The following DIAPH2 variants were observed in gnomAD, a reference collection of about 807,000 sequenced individuals.
DIAPH2 encodes protein diaphanous homolog 2.
A neutral mutation model predicts 92.7 loss-of-function variants in DIAPH2; 35 were observed. The observed-to-expected ratio is 0.38, with a 90% CI of 0.29 to 0.50. The LOEUF is 0.50. Ranked by LOEUF, DIAPH2 falls within the 20% of genes least tolerant of loss-of-function variation. The pLI, the probability that DIAPH2 is intolerant of heterozygous loss-of-function variation, is 0.94. For missense variants in DIAPH2, 701 were observed against 819.5 expected (o/e 0.86, Z 1.77); for synonymous variants, 301 against 280.4 (o/e 1.07, Z -0.73).
intron 3 of DIAPH2, among the ~76,000 whole-genome samples, chrX:96,756,525 G>A (rs1331024693): frequency 5.4e-5 from 6 of 111,578 alleles, no homozygotes; most frequent in Admixed American, 4.8e-4. Context: ...TTATCCATTC[G>A]TCAATTGATG....
intron 22 of DIAPH2, 94 bp from the exon 23 acceptor site, chrX:97,247,621 T>TA (rs773990783): frequency 4.1e-4 from 332 of 810,651 alleles, no homozygotes; most frequent in Middle Eastern, 6.2e-4. Context: ...TTCCCACATT[T>TA]AAAAAAAAAG....
intron 4 of DIAPH2, among the ~76,000 whole-genome samples, chrX:96,877,329 A>T (rs1165446679): frequency 8.9e-6 from 1 of 112,244 alleles, no homozygotes; most frequent in East Asian, 2.8e-4. Context: ...TTCAGAGAAC[A>T]TGATGATAGA....
intron 22 of DIAPH2, among the ~76,000 whole-genome samples, chrX:97,228,120 C>T (rs937501756): frequency 2.7e-5 from 3 of 111,237 alleles, no homozygotes; most frequent in African/African-American, 9.8e-5. Context: ...AGGCTGGTCT[C>T]GAGTTTGTGG....
At chrX:97,527,134 A>G (rs1194331264) in intron 26 of DIAPH2, among the ~76,000 whole-genome samples, 2 of 112,501 alleles carry the variant, frequency 1.8e-5, no homozygotes, top group African/African-American at 6.5e-5. Context: ...TTTTGAAAAC[A>G]AAACATCTGT....
chrX:97,002,958 C>T (rs1003847646), intron 17 of DIAPH2, among the ~76,000 whole-genome samples: 1 of 111,573 alleles, frequency 9.0e-6, no homozygotes, highest in East Asian at 2.8e-4. Flanking sequence ...CCTTTCCTAG[C>T]CTCTGCTAAC....
In DIAPH2 at chrX:97,404,170, A is replaced by C. The variant is rs935692508; in HGVS notation, c.3145+20126A>C. ...GCCTGGCCTCAGATAATCCCTATAT[A>C]GTGAGGGATGTTCAGGGAAATACCA... On this transcript the variant is annotated intron_variant, in intron 25 of 26. Transcript: ENST00000324765. Among the ~76,000 whole-genome samples the C allele has an allele frequency of 1.6e-4, 18 of 111,817 alleles. No homozygotes were observed. The Admixed American group carries it at 1.7e-3, about 11-fold the overall frequency.
chrX:97,454,181 A>G (rs762299099), intron 26 of DIAPH2, among the ~76,000 whole-genome samples: 1 of 111,082 alleles, frequency 9.0e-6, no homozygotes, highest in Non-Finnish European at 1.9e-5. Flanking sequence ...TGGATTTTCT[A>G]TTTTTTTCAC....
chrX:97,220,750 C>G (rs1408990690), intron 22 of DIAPH2, among the ~76,000 whole-genome samples: 1 of 112,069 alleles, frequency 8.9e-6, no homozygotes, highest in East Asian at 2.8e-4. Flanking sequence ...AACTCATTGG[C>G]TGTGTAGAGC....
chrX:96,716,459 T>C (rs2063950861), intron 1 of DIAPH2, among the ~76,000 whole-genome samples: 1 of 111,924 alleles, frequency 8.9e-6, no homozygotes, highest in African/African-American at 3.2e-5. Flanking sequence ...TAGTCTCTTA[T>C]GTATTGTTTA....
chrX:97,123,691 T>G (rs599726), intron 21 of DIAPH2, among the ~76,000 whole-genome samples: 1,998 of 112,340 alleles, frequency 0.018, 34 homozygotes, highest in African/African-American at 0.06. Flanking sequence ...TCATTGCCAT[T>G]TAAAATCTGA....
intron 26 of DIAPH2, among the ~76,000 whole-genome samples, chrX:97,490,599 T>C (rs1017275349): frequency 9.0e-6 from 1 of 110,938 alleles, no homozygotes; most frequent in Non-Finnish European, 1.9e-5. Flanking sequence ...TTTTGTTATG[T>C]TGTATTTTCA....
At chrX:97,085,284 T>C (rs1382364059) in intron 19 of DIAPH2, among the ~76,000 whole-genome samples, 1 of 112,078 alleles carries the variant, frequency 8.9e-6, no homozygotes, top group Non-Finnish European at 1.9e-5. Context: ...AGAAAACATT[T>C]TGTAGAAAAC....
intron 24 of DIAPH2, among the ~76,000 whole-genome samples, chrX:97,356,814 G>A (rs1055585120): frequency 9.0e-6 from 1 of 111,208 alleles, no homozygotes; most frequent in African/African-American, 3.3e-5. Context: ...ATACCTACTA[G>A]TATGGATGGT....
intron 22 of DIAPH2, among the ~76,000 whole-genome samples, chrX:97,163,338 T>C (rs2067388579): frequency 9.0e-6 from 1 of 110,499 alleles, no homozygotes; most frequent in Admixed American, 9.7e-5. Flanking sequence ...TACAAGCACA[T>C]GGCACCACGC....
At chrX:96,796,209 TCA>T (rs965326253) in intron 4 of DIAPH2, among the ~76,000 whole-genome samples, 2 of 112,078 alleles carry the variant, frequency 1.8e-5, no homozygotes, top group African/African-American at 6.5e-5. Context: ...AGACGGAGTC[TCA>T]CTGTATCACT....
chrX:96,886,304 ATATGT>A (rs1439770432), intron 5 of DIAPH2, among the ~76,000 whole-genome samples: 7 of 109,867 alleles, frequency 6.4e-5, no homozygotes, highest in African/African-American at 9.8e-5. Context: ...TTTAATGAAT[ATATGT>A]TATATTTTAT....
chrX:96,914,535 T>G (rs1200841486), intron 7 of DIAPH2, among the ~76,000 whole-genome samples: 1 of 111,244 alleles, frequency 9.0e-6, no homozygotes, highest in African/African-American at 3.3e-5. Context: ...ATCTGTAAAT[T>G]TAGCTATAGG....
chrX:97,501,169 G>A (rs898235100), intron 26 of DIAPH2, among the ~76,000 whole-genome samples: 5 of 109,449 alleles, frequency 4.6e-5, no homozygotes, highest in South Asian at 7.9e-4. Context: ...CTCTTTTTAC[G>A]TACAGAGCTA....
Position 96,962,456 on chromosome X carries a change from CATAT to C in DIAPH2, c.1936-2629_1936-2626del, listed in dbSNP as rs372816960. 3.5e-5 allele frequency among the ~76,000 whole-genome samples: 2 copies of C among 57,492 alleles called. 1 individual carries two copies. Among genetic ancestry groups the C allele is most frequent in the Non-Finnish European group, 5.9e-5 (2 of 33,929 alleles). The allele number at this position is 57,492 out of a possible 115,157, so 49.9% of individuals were successfully genotyped here. On this transcript the variant is annotated intron_variant, in intron 16 of 26. Transcript: ENST00000324765. ...ATATATATATACATATATACACACA[CATAT>C]ATATATACATATATATATACACACA...
Sources: allele counts gnomAD v4.1 joint callset (sites outside exome capture counted in the v4.1 genomes callset), GRCh38; gene constraint gnomAD v4.1.1; transcripts MANE v1.5; gene names NCBI Gene and HGNC (gene_info 2026-07-23, HGNC 2026-07-21).